Variants in YPEL1 observed in about 807,000 individuals in gnomAD.
The protein encoded by YPEL1 is yippee like 1, also known as protein yippee-like 1.
Under a neutral mutation model 17.3 loss-of-function variants are expected in YPEL1, and 7 were observed. The ratio of observed to expected loss-of-function variants is 0.40; its 90% CI spans 0.23 to 0.76. The LOEUF (loss-of-function observed/expected upper bound fraction) is 0.76, where lower values mean the gene tolerates loss of function less well. YPEL1 is among the 30% of genes least tolerant of loss of function. The pLI is 0.35. For missense variants in YPEL1, 91 were observed against 155.5 expected (o/e 0.59, Z 2.21); for synonymous variants, 59 against 59.6 (o/e 0.99, Z 0.05).
intron 1 of YPEL1, among the ~76,000 whole-genome samples, chr22:21,717,127 AGGCCGGGGCTGGGGG>A (rs1436604373): frequency 9.4e-5 from 11 of 116,406 alleles, no homozygotes; most frequent in Admixed American, 5.7e-4. Flanking sequence ...GCACTTTGGG[AGGCCGGGGCTGGGGG>A]GGCGGGGGGC....
rs1351089931 is a variant in YPEL1 at position 21,697,928 on chromosome 22, A to G, written c.*3201T>C. Reference sequence around the variant, plus strand: ...GAAGATTCTTATTTTCAATTCTAATATCTGACAGATGCCATCAAGAATAAG... The same window carrying G: ...GAAGATTCTTATTTTCAATTCTAATGTCTGACAGATGCCATCAAGAATAAG... On this transcript the variant is annotated 3_prime_UTR_variant, in exon 5 of 5. Transcript: ENST00000339468. 1 of 152,384 alleles carries G rather than the reference A, an allele frequency of 6.6e-6. No homozygotes were observed. The highest frequency in any genetic ancestry group is 1.5e-5 in the Non-Finnish European group (1 of 68,050). The allele number at this position is 152,384 out of a possible 1,614,324, so 9.4% of individuals were successfully genotyped here.
rs916619781 is a variant in YPEL1 at position 21,697,771 on chromosome 22, C to A, written c.*3358G>T. On this transcript the variant is annotated 3_prime_UTR_variant, in exon 5 of 5. Coordinates refer to ENST00000339468, the MANE Select transcript of YPEL1 (RefSeq NM_013313.5). ...AGGGCAGGGGACAGGCCACCAAGGA[C>A]CTTTGGCAAATGAAGGTTTACATTT... The A allele has an allele frequency of 2.6e-5, 4 of 152,312 alleles. No individual in the cohort carries two copies. In the East Asian group the frequency reaches 7.5e-4, roughly 29 times the overall value. The allele number at this position is 152,312 out of a possible 1,614,324, so 9.4% of individuals were successfully genotyped here.
In YPEL1 at chr22:21,710,914, A is replaced by G; in HGVS notation, c.-164-6T>C. ...GGACGAGAGAAAAACGTAACCTGCC[A>G]ACCAATCAGACAAAGTGGTGGGTTA... On this transcript the variant is annotated splice_polypyrimidine_tract_variant and splice_region_variant and intron_variant, in intron 1 of 4. Transcript: ENST00000339468. 4.5e-6 allele frequency: 3 copies of G among 659,404 alleles called. No homozygotes were observed. The highest frequency in any genetic ancestry group is 2.3e-5 in the Admixed American group (1 of 42,726). 40.8% of individuals were successfully genotyped at this position (659,404 alleles called of 1,614,324 possible). A position where few individuals can be genotyped will look rare whatever the true frequency, so the allele number is the denominator to read the frequency against.
chr22:21,703,702 A>G lies in YPEL1; in HGVS notation c.161+137T>C, dbSNP rs932414175. ...GGCAAGATCCTTAGCGCGTTTCAGA[A>G]ACTCCCGGCGGGGGGATGGTGGGTT... On this transcript the variant is annotated intron_variant, in intron 3 of 4. Coordinates refer to ENST00000339468, the MANE Select transcript of YPEL1 (RefSeq NM_013313.5). This position sits in a 1 kb window ranked among gnomAD's most constrained non-coding sequence, Gnocchi z 6.1. 5 of 811,028 alleles carry G rather than the reference A, an allele frequency of 6.2e-6. No homozygotes were observed. The highest frequency in any genetic ancestry group is 3.7e-6 in the Non-Finnish European group (2 of 535,160). The allele number at this position is 811,028 out of a possible 1,614,324, so 50.2% of individuals were successfully genotyped here.
chr22:21,702,702 T>C (rs2068077554), intron 4 of YPEL1, among the ~76,000 whole-genome samples: 2 of 151,778 alleles, frequency 1.3e-5, no homozygotes, highest in Admixed American at 1.3e-4. Flanking sequence ...AACCATGGAA[T>C]CTCAGGTGGC....
At chr22:21,712,568 T>C (rs938437970) in intron 1 of YPEL1, among the ~76,000 whole-genome samples, 3 of 151,162 alleles carry the variant, frequency 2.0e-5, no homozygotes, top group African/African-American at 7.3e-5. Context: ...CTACTAAAAA[T>C]ACAAAAAATT....
At chr22:21,702,046 A>G (rs1014565235) in intron 4 of YPEL1, among the ~76,000 whole-genome samples, 4 of 151,702 alleles carry the variant, frequency 2.6e-5, no homozygotes, top group East Asian at 3.9e-4. Context: ...AAAAAACAGG[A>G]TATCTGGAGA....
intron 1 of YPEL1, among the ~76,000 whole-genome samples, chr22:21,718,018 C>T (rs1279690909): frequency 1.3e-5 from 2 of 151,606 alleles, no homozygotes; most frequent in East Asian, 3.9e-4. Context: ...GTGGTCCCAG[C>T]TACTAGGGAG....
chr22:21,728,285 G>T (rs2068354885), intron 1 of YPEL1, among the ~76,000 whole-genome samples: 1 of 151,982 alleles, frequency 6.6e-6, no homozygotes, highest in South Asian at 2.1e-4. Context: ...TTTTAGCTTT[G>T]CCTCTCCCAC....
At position 21,700,181 on chromosome 22, in the gene YPEL1, G is replaced by A. The variant is rs1454307450; in HGVS notation, c.*948C>T. 1 of 152,348 alleles carries A rather than the reference G, an allele frequency of 6.6e-6. No homozygotes were observed. The highest frequency in any genetic ancestry group is 1.5e-5 in the Non-Finnish European group (1 of 68,038). 9.4% of individuals were successfully genotyped at this position (152,348 alleles called of 1,614,324 possible). A position where few individuals can be genotyped will look rare whatever the true frequency, so the allele number is the denominator to read the frequency against. ...CATTTGCAAGAGGAATAGCCAATTT[G>A]AAGTTCTGCAAATTTAAGAAAAACA... is the stretch of plus-strand genomic sequence containing the variant. On this transcript the variant is annotated 3_prime_UTR_variant, in exon 5 of 5. Coordinates refer to ENST00000339468, the MANE Select transcript of YPEL1 (RefSeq NM_013313.5).
At chr22:21,704,239 AAAAC>A in intron 2 of YPEL1, 1 of 711,300 alleles carries the variant, frequency 1.4e-6, no homozygotes, top group South Asian at 1.5e-5. Flanking sequence ...TCTCTACCCG[AAAAC>A]CCACAGATCC....
chr22:21,707,974 A>G (rs147069038), intron 2 of YPEL1, among the ~76,000 whole-genome samples: 1 of 152,340 alleles, frequency 6.6e-6, no homozygotes, highest in East Asian at 1.9e-4. Flanking sequence ...GGAGCCTTCT[A>G]GTAACCAGAG....
chr22:21,722,533 C>T (rs2068293574), intron 1 of YPEL1, among the ~76,000 whole-genome samples: 1 of 152,040 alleles, frequency 6.6e-6, no homozygotes, highest in Non-Finnish European at 1.5e-5. Flanking sequence ...AGGAGAATCA[C>T]TCGAACCTGG....
intron 1 of YPEL1, 53 bp from the exon 2 acceptor site, chr22:21,710,961 G>A (rs2068159040): frequency 1.6e-5 from 9 of 579,604 alleles, no homozygotes; most frequent in Admixed American, 1.4e-4. Context: ...TGCGTGTGAA[G>A]CAGGTACATA....
At chr22:21,713,329 T>C (rs897434389) in intron 1 of YPEL1, among the ~76,000 whole-genome samples, 1 of 152,098 alleles carries the variant, frequency 6.6e-6, no homozygotes, top group African/African-American at 2.4e-5. Context: ...CACAGCGACA[T>C]TATCCACAAC....
chr22:21,703,241 G>A lies in YPEL1; in HGVS notation c.270+129C>T. The A allele has an allele frequency of 1.0e-5, 8 of 781,844 alleles. No individual in the cohort carries two copies. In the South Asian group the frequency reaches 1.3e-4, roughly 13 times the overall value. 48.4% of individuals were successfully genotyped at this position (781,844 alleles called of 1,614,324 possible). ...ACTGGAGTCTGGACTTCCCACCTCG[G>A]CTGAGGAACTGGGGTTTCTGAAAGT... On this transcript the variant is annotated intron_variant, in intron 4 of 4. Coordinates refer to ENST00000339468, the MANE Select transcript of YPEL1 (RefSeq NM_013313.5). This position sits in a 1 kb window ranked among gnomAD's most constrained non-coding sequence, Gnocchi z 6.1.
At position 21,710,787 on chromosome 22, in the gene YPEL1, A is replaced by G; in HGVS notation, c.-43T>C. On this transcript the variant is annotated 5_prime_UTR_variant, in exon 2 of 5. Coordinates refer to ENST00000339468, the MANE Select transcript of YPEL1 (RefSeq NM_013313.5). ...CACTCAGCTCAGGGCTGGTTCTGGA[A>G]GAACCGTGGCTCTGCTGGCCTCTCT... 6.4e-7 allele frequency: 1 copy of G among 1,567,044 alleles called. No individual in the cohort carries two copies. Among genetic ancestry groups the G allele is most frequent in the Non-Finnish European group, 8.8e-7 (1 of 1,137,208 alleles).
At chr22:21,721,500 T>A (rs2056477298) in intron 1 of YPEL1, among the ~76,000 whole-genome samples, 1 of 151,574 alleles carries the variant, frequency 6.6e-6, no homozygotes, top group African/African-American at 2.4e-5. Context: ...CTTGGCTCAC[T>A]GCAACCTCCA....
intron 1 of YPEL1, among the ~76,000 whole-genome samples, chr22:21,721,261 T>C (rs1452742271): frequency 1.3e-5 from 2 of 151,234 alleles, no homozygotes; most frequent in South Asian, 2.1e-4. Context: ...TACAGGCGTG[T>C]GCCACCACGC....
Sources: allele counts gnomAD v4.1 joint callset (sites outside exome capture counted in the v4.1 genomes callset), GRCh38; gene constraint gnomAD v4.1.1; non-coding constraint Gnocchi (gnomAD v3.1); transcripts MANE v1.5; gene names NCBI Gene and HGNC (gene_info 2026-07-23, HGNC 2026-07-21).